Variants in SLC25A48 observed in about 807,000 individuals in gnomAD.
SLC25A48 encodes solute carrier family 25 member 48.
In SLC25A48, 29 loss-of-function variants were observed where a neutral mutation model predicts 32.2. The observed-to-expected ratio is 0.90, with a 90% CI of 0.67 to 1.23. SLC25A48 has a LOEUF of 1.23. SLC25A48 is among the 50% of genes most tolerant of loss of function. The pLI is 0.00. For synonymous variants in SLC25A48, 164 were observed against 172.3 expected, an observed-to-expected ratio of 0.95 and a Z score of 0.38; for missense variants, 399 against 422.7, an observed-to-expected ratio of 0.94 and a Z score of 0.49.
intron 1 of SLC25A48, 103 bp downstream of exon 1, chr5:135,834,996 C>A (rs1758377469): frequency 2.2e-6 from 3 of 1,378,526 alleles, no homozygotes; most frequent in African/African-American, 1.4e-5. Flanking sequence ...CCATCCCGCT[C>A]CCCGTTGTGC....
At chr5:135,581,238 C>T (rs918917323) in intron 1 of SLC25A48, among the ~76,000 whole-genome samples, 1 of 152,174 alleles carries the variant, frequency 6.6e-6, no homozygotes, top group African/African-American at 2.4e-5. Flanking sequence ...TACAGATGTA[C>T]CAGAATTAAT....
chr5:135,598,839 C>T (rs1350458058), intron 1 of SLC25A48, among the ~76,000 whole-genome samples: 5 of 152,082 alleles, frequency 3.3e-5, no homozygotes, highest in South Asian at 4.2e-4. Context: ...GCATCCTGTG[C>T]GCAGCGTCCG....
chr5:135,812,246 TAAC>T (rs1442665955), intron 3 of SLC25A48, among the ~76,000 whole-genome samples: 1 of 152,222 alleles, frequency 6.6e-6, no homozygotes, highest in Non-Finnish European at 1.5e-5. Context: ...ATGCAATTTG[TAAC>T]AATCACATCA....
chr5:135,675,555 G>A (rs143537485), intron 3 of SLC25A48, among the ~76,000 whole-genome samples: 1 of 151,902 alleles, frequency 6.6e-6, no homozygotes, highest in South Asian at 2.1e-4. Context: ...TGTCCCATTG[G>A]TCTACATGTC....
rs1218250506 is a variant in SLC25A48, at chr5:135,835,064, G to C, written c.46+171G>C. On this transcript the variant is annotated intron_variant, in intron 1 of 7. Transcript: ENST00000681962. ...AGATCCCCCTGGTGGTCTTGCAGTT[G>C]CCAGGGCTAAATTCTGAGAGCTTCA... 4 of 797,200 alleles carry C rather than the reference G, an allele frequency of 5.0e-6. No individual in the cohort carries two copies. In the Middle Eastern group the frequency reaches 6.8e-4, roughly 135 times the overall value. The allele number at this position is 797,200 out of a possible 1,614,324, so 49.4% of individuals were successfully genotyped here.
chr5:135,789,397 T>C (rs1189725631), intron 3 of SLC25A48, among the ~76,000 whole-genome samples: 2 of 150,656 alleles, frequency 1.3e-5, no homozygotes, highest in Non-Finnish European at 2.9e-5. Flanking sequence ...GAGGGTGTTA[T>C]TACTCCCCAG....
Position 135,676,955 on chromosome 5 carries a change from A to G in SLC25A48, c.-521+41999A>G, listed in dbSNP as rs551910634. On this transcript the variant is annotated intron_variant, in intron 3 of 10. Coordinates refer to the SLC25A48 transcript ENST00000646290. The stretch of plus-strand genomic sequence containing the variant: ...AGCTGGTGGATGAAATGTTCTGTAA[A>G]TATCTGTTATATCCATTTGGTCTAA... Among the ~76,000 whole-genome samples, 4 of 63,428 alleles carry G rather than the reference A, an allele frequency of 6.3e-5. No homozygotes were observed. In the East Asian group the frequency reaches 1.2e-3, roughly 19 times the overall value. 41.6% of individuals were successfully genotyped at this position (63,428 alleles called of 152,430 possible).
At chr5:135,662,803 C>G (rs188756332) in intron 3 of SLC25A48, among the ~76,000 whole-genome samples, 1 of 152,182 alleles carries the variant, frequency 6.6e-6, no homozygotes, top group Non-Finnish European at 1.5e-5. Flanking sequence ...CTCCTGCCTT[C>G]GAAGGGTCCT....
At chr5:135,880,372 C>A (rs537536057) in intron 7 of SLC25A48, among the ~76,000 whole-genome samples, 32 of 152,178 alleles carry the variant, frequency 2.1e-4, no homozygotes, top group African/African-American at 7.7e-4. Flanking sequence ...CTTCCAGCAG[C>A]TTCAACAGCC....
intron 3 of SLC25A48, among the ~76,000 whole-genome samples, chr5:135,763,933 C>T (rs140047526): frequency 1.1e-3 from 167 of 152,214 alleles, no homozygotes; most frequent in African/African-American, 3.7e-3. Context: ...AGTGCAGTGG[C>T]GCGATCTCAG....
At chr5:135,856,542 A>C (rs1561538061) in intron 4 of SLC25A48, among the ~76,000 whole-genome samples, 1 of 152,150 alleles carries the variant, frequency 6.6e-6, no homozygotes, top group East Asian at 1.9e-4. Flanking sequence ...GCTGGGGTGC[A>C]TGGAGGGCCT....
intron 4 of SLC25A48, among the ~76,000 whole-genome samples, chr5:135,858,788 G>A (rs918835664): frequency 6.6e-6 from 1 of 152,216 alleles, no homozygotes. Context: ...GAAGTGAGCT[G>A]GGAGCATGTC....
chr5:135,720,582 TG>T (rs989889412), intron 3 of SLC25A48, among the ~76,000 whole-genome samples: 2 of 152,224 alleles, frequency 1.3e-5, no homozygotes, highest in Non-Finnish European at 2.9e-5. Flanking sequence ...TAAAGAACCA[TG>T]GGTTCCCCAG....
At position 135,871,535 on chromosome 5, in the gene SLC25A48, A is replaced by G; in HGVS notation, c.496A>G (p.Thr166Ala). 6.2e-7 allele frequency: 1 copy of G among 1,613,834 alleles called. No homozygotes were observed. The highest frequency in any genetic ancestry group is 8.5e-7 in the Non-Finnish European group (1 of 1,179,752). The part of the protein sequence containing the change: ...PAYQGPVHCI[T>A]TIVRNEGLAG... ...ATACCAGGGGCCAGTGCACTGCATT[A>G]CAACCATTGTGAGGAATGAGGGCCT... The change falls in exon 5 of 8, where the codon ACA becomes GCA. Residue 166 changes from threonine (T) to alanine (A), a missense_variant. Physicochemically the swap from Thr to Ala is moderately conservative, Grantham distance 58. Coordinates refer to ENST00000681962, the MANE Select transcript of SLC25A48 (RefSeq NM_001349336.2).
chr5:135,815,913 A>C (rs1013129964), intron 4 of SLC25A48, among the ~76,000 whole-genome samples: 4 of 152,198 alleles, frequency 2.6e-5, no homozygotes, highest in Non-Finnish European at 5.9e-5. Context: ...TAGATGTTGT[A>C]TTAGTCTATT....
At chr5:135,757,471 ATAT>A (rs1260383599) in intron 3 of SLC25A48, among the ~76,000 whole-genome samples, 1 of 149,408 alleles carries the variant, frequency 6.7e-6, no homozygotes, top group Admixed American at 6.7e-5. Flanking sequence ...ACACACAATA[ATAT>A]TAATAAAATA....
At chr5:135,800,983 T>C (rs1433881945) in intron 3 of SLC25A48, among the ~76,000 whole-genome samples, 1 of 151,142 alleles carries the variant, frequency 6.6e-6, no homozygotes, top group African/African-American at 2.4e-5. Context: ...TTTGGGGTTG[T>C]ACAACTCCCA....
Position 135,779,670 on chromosome 5 carries a change from G to T in SLC25A48, c.-520-32853G>T, listed in dbSNP as rs533945786. Among the ~76,000 whole-genome samples, 12 of 117,752 alleles carry T rather than the reference G, an allele frequency of 1.0e-4. 2 individuals are homozygous for T. In the East Asian group the frequency reaches 2.3e-3, roughly 23 times the overall value. 77.2% of individuals were successfully genotyped at this position (117,752 alleles called of 152,430 possible). On this transcript the variant is annotated intron_variant, in intron 3 of 10. Coordinates refer to the SLC25A48 transcript ENST00000646290. ...TATTACTCCCAATATCGAAGGGGAT[G>T]TACAACCACCCGGTAATATTGTTTT...
At chr5:135,744,903 G>A (rs1755604316) in intron 3 of SLC25A48, among the ~76,000 whole-genome samples, 1 of 152,070 alleles carries the variant, frequency 6.6e-6, no homozygotes, top group Non-Finnish European at 1.5e-5. Context: ...TTAGCCAGGA[G>A]AGGTGGCGGG....
Sources: gnomAD v4.1 joint callset for allele counts (sites outside exome capture counted in the v4.1 genomes callset) on GRCh38, gnomAD v4.1.1 for gene constraint, MANE v1.5 for transcripts, NCBI Gene and HGNC (gene_info 2026-07-23, HGNC 2026-07-21) for gene names.